The following EVA1C variants were observed in gnomAD, a reference collection of about 807,000 sequenced individuals.
EVA1C encodes protein eva-1 homolog C.
In EVA1C, 25 loss-of-function variants were observed where a neutral mutation model predicts 45.4. That is an observed-to-expected ratio of 0.55 (90% CI 0.40 to 0.77). EVA1C has a LOEUF of 0.77. Ranked by LOEUF, EVA1C falls within the 30% of genes least tolerant of loss-of-function variation. The pLI is 0.00. For synonymous variants in EVA1C, 190 were observed against 221.2 expected, an observed-to-expected ratio of 0.86 and a Z score of 1.25; for missense variants, 479 against 554.8, an observed-to-expected ratio of 0.86 and a Z score of 1.37.
chr21:32,454,841 C>G (rs900702115), intron 2 of EVA1C, among the ~76,000 whole-genome samples: 1 of 152,156 alleles, frequency 6.6e-6, no homozygotes, highest in African/African-American at 2.4e-5. Context: ...CTCACACCAT[C>G]CCTTGCTTCC....
At chr21:32,420,938 T>G (rs1040222983) in intron 1 of EVA1C, among the ~76,000 whole-genome samples, 4 of 152,226 alleles carry the variant, frequency 2.6e-5, no homozygotes, top group African/African-American at 7.2e-5. Flanking sequence ...ACTTCTGTCA[T>G]GTTTATCTCT....
At chr21:32,462,680 G>A (rs139610330) in intron 3 of EVA1C, among the ~76,000 whole-genome samples, 1 of 152,180 alleles carries the variant, frequency 6.6e-6, no homozygotes, top group Non-Finnish European at 1.5e-5. Flanking sequence ...TGGAATGAGG[G>A]CAAGGAACAC....
In EVA1C at chr21:32,511,694, G is replaced by A. The variant is rs533768717; in HGVS notation, c.950-3120G>A. On this transcript the variant is annotated intron_variant, in intron 7 of 7. Coordinates refer to ENST00000300255, the MANE Select transcript of EVA1C (RefSeq NM_058187.5). ...TGAGCCAAGTGCTGGAGAAGATGAGGACTGACAGGATTTCTCACACATTGC... is the reference window on the plus strand; with the variant it reads ...TGAGCCAAGTGCTGGAGAAGATGAGAACTGACAGGATTTCTCACACATTGC... 4.6e-5 allele frequency among the ~76,000 whole-genome samples: 7 copies of A among 152,266 alleles called. No homozygotes were observed. The South Asian group carries it at 1.2e-3, about 27-fold the overall frequency.
At chr21:32,419,175 G>A (rs1051948237) in intron 1 of EVA1C, among the ~76,000 whole-genome samples, 1 of 152,086 alleles carries the variant, frequency 6.6e-6, no homozygotes, top group African/African-American at 2.4e-5. Flanking sequence ...GGGAAGGTTT[G>A]TTGCGTAGAT....
In EVA1C at chr21:32,513,337, C is replaced by T. The variant is rs1048337431; in HGVS notation, c.950-1477C>T. On this transcript the variant is annotated intron_variant, in intron 7 of 7. Coordinates refer to ENST00000300255, the MANE Select transcript of EVA1C (RefSeq NM_058187.5). ...GACTACAGGCGCCCGCCACCACACC[C>T]GGCTAGTTTTTTTTTTGTACTTTTG... Among the ~76,000 whole-genome samples the T allele has an allele frequency of 7.2e-4, 107 of 148,440 alleles. 1 individual carries two copies. Among genetic ancestry groups the T allele is most frequent in the African/African-American group, 2.1e-3 (84 of 40,930 alleles).
Position 32,452,306 on chromosome 21 carries a change from C to T in EVA1C, c.161-1006C>T, listed in dbSNP as rs569718589. On this transcript the variant is annotated intron_variant, in intron 1 of 7. Coordinates refer to ENST00000300255, the MANE Select transcript of EVA1C (RefSeq NM_058187.5). The surrounding 1 kb of genome is among the most constrained non-coding windows in gnomAD (Gnocchi z 4.0). The stretch of plus-strand genomic sequence containing the variant: ...GCCATCCCAGACCGAGGTTTCTGAC[C>T]CAGACATTGAAACAGGAGGAGTTCC... 1 of 152,358 alleles carries T rather than the reference C, an allele frequency of 6.6e-6. No individual in the cohort carries two copies. Among genetic ancestry groups the T allele is most frequent in the East Asian group, 1.9e-4 (1 of 5,158 alleles). The allele number at this position is 152,358 out of a possible 1,614,324, so 9.4% of individuals were successfully genotyped here.
At chr21:32,426,891 T>C (rs562382168) in intron 1 of EVA1C, among the ~76,000 whole-genome samples, 2 of 152,278 alleles carry the variant, frequency 1.3e-5, no homozygotes, top group Admixed American at 1.3e-4. Flanking sequence ...CCAGCAGGAA[T>C]GGGTGTGCAG....
intron 6 of EVA1C, among the ~76,000 whole-genome samples, chr21:32,502,040 C>CTTTCTTTCTTTCT (rs1555875244): frequency 5.3e-4 from 54 of 101,638 alleles, no homozygotes; most frequent in African/African-American, 2.1e-3. Flanking sequence ...TTCTTTCTTT[C>CTTTCTTTCTTTCT]TTTCTTTCTT....
At chr21:32,507,609 CAT>C (rs911841049) in intron 7 of EVA1C, among the ~76,000 whole-genome samples, 21 of 147,690 alleles carry the variant, frequency 1.4e-4, no homozygotes, top group African/African-American at 4.5e-4. Flanking sequence ...TCTATGTGTA[CAT>C]GTGTGTACAT....
intron 1 of EVA1C, chr21:32,433,029 C>A: frequency 6.6e-6 from 1 of 152,282 alleles, no homozygotes; most frequent in East Asian, 1.9e-4. Context: ...ACCACGCCCA[C>A]CTCTGTCTTT....
At chr21:32,470,751 T>C (rs2036339815) in intron 4 of EVA1C, among the ~76,000 whole-genome samples, 1 of 141,960 alleles carries the variant, frequency 7.0e-6, no homozygotes, top group African/African-American at 2.6e-5. Context: ...TTTCTTTCTT[T>C]TTCTTTTTCT....
At chr21:32,485,366 G>A (rs1476623810) in intron 4 of EVA1C, among the ~76,000 whole-genome samples, 4 of 151,988 alleles carry the variant, frequency 2.6e-5, no homozygotes, top group African/African-American at 4.8e-5. Flanking sequence ...GTGAGGTTTC[G>A]CCATGTTGGC....
At chr21:32,464,381 A>G (rs563234009) in intron 3 of EVA1C, among the ~76,000 whole-genome samples, 5 of 152,248 alleles carry the variant, frequency 3.3e-5, no homozygotes, top group East Asian at 3.9e-4. Flanking sequence ...GTCCTCATGG[A>G]TGAAAGGATA....
chr21:32,460,938 G>A (rs1232006813), intron 3 of EVA1C, among the ~76,000 whole-genome samples: 2 of 152,162 alleles, frequency 1.3e-5, no homozygotes, highest in East Asian at 3.9e-4. Context: ...TAGAGACAGG[G>A]TTTCACCATG....
intron 1 of EVA1C, among the ~76,000 whole-genome samples, chr21:32,440,099 C>T (rs1461105939): frequency 6.6e-6 from 1 of 152,082 alleles, no homozygotes; most frequent in Admixed American, 6.6e-5. Flanking sequence ...GTTGGTCCTT[C>T]CGATTGGTTA....
In EVA1C at chr21:32,430,981, A is replaced by AAAAAAAAAAAAAAAG. The variant is rs1433302594; in HGVS notation, c.160+17970_160+17971insAAAAAAAAAAAAGAA. Among the ~76,000 whole-genome samples, 13 of 151,610 alleles carry AAAAAAAAAAAAAAAG rather than the reference A, an allele frequency of 8.6e-5. No homozygotes were observed. In the East Asian group the frequency reaches 2.5e-3, roughly 29 times the overall value. ...GAGTGAGACTTGGTCTCAAAAAAAA[A>AAAAAAAAAAAAAAAG]AATTAGATCTTGTGAGACTTATTCA... On this transcript the variant is annotated intron_variant, in intron 1 of 7. Transcript: ENST00000300255.
chr21:32,480,917 C>T (rs140399288), intron 4 of EVA1C, among the ~76,000 whole-genome samples: 1,695 of 149,984 alleles, frequency 0.011, 36 homozygotes, highest in African/African-American at 0.038. Flanking sequence ...GTGCTGAGAT[C>T]GTGCCACTGC....
intron 7 of EVA1C, among the ~76,000 whole-genome samples, chr21:32,507,473 CATGTGTGT>C (rs1342133108): frequency 1.4e-5 from 2 of 140,254 alleles, no homozygotes; most frequent in African/African-American, 2.7e-5. Flanking sequence ...TGCATGTGTG[CATGTGTGT>C]ATGCGTCTGT....
chr21:32,461,946 T>C (rs183054219), intron 3 of EVA1C, among the ~76,000 whole-genome samples: 1 of 152,138 alleles, frequency 6.6e-6, no homozygotes, highest in Non-Finnish European at 1.5e-5. Context: ...GACTCAGTTG[T>C]AACATGGGAT....
Sources: gnomAD v4.1 joint callset for allele counts (sites outside exome capture counted in the v4.1 genomes callset) on GRCh38, gnomAD v4.1.1 for gene constraint, Gnocchi (gnomAD v3.1) non-coding constraint, MANE v1.5 for transcripts, NCBI Gene and HGNC (gene_info 2026-07-23, HGNC 2026-07-21) for gene names.